PDE1A: variants seen among roughly 807,000 people sequenced by gnomAD.
The protein encoded by PDE1A is phosphodiesterase 1A, also known as dual specificity calcium/calmodulin-dependent 3',5'-cyclic nucleotide phosphodiesterase 1A.
Under a neutral mutation model 61.7 loss-of-function variants are expected in PDE1A, and 35 were observed. The ratio of observed to expected loss-of-function variants is 0.57; its 90% CI spans 0.43 to 0.75. The LOEUF (loss-of-function observed/expected upper bound fraction) is 0.75, where lower values mean the gene tolerates loss of function less well. Ranked by LOEUF, PDE1A falls within the 30% of genes least tolerant of loss-of-function variation. The probability of loss-of-function intolerance (pLI) is 0.00; values close to 1 mark genes in which losing one functional copy is unlikely to be tolerated. For missense variants in PDE1A, 597 were observed against 630.6 expected (o/e 0.95, Z 0.57); for synonymous variants, 232 against 213.2 (o/e 1.09, Z -0.77).
chr2:182,419,434 C>T (rs1703133898), intron 1 of PDE1A, among the ~76,000 whole-genome samples: 1 of 150,962 alleles, frequency 6.6e-6, no homozygotes, highest in African/African-American at 2.4e-5. Flanking sequence ...CTCCTGGATT[C>T]AAGCAATTCT....
rs961587654 is a variant in PDE1A, at chr2:182,385,651, G to GAAAGA, written c.53+40922_53+40926dup. 1.3e-4 allele frequency among the ~76,000 whole-genome samples: 18 copies of GAAAGA among 134,028 alleles called. 2 individuals carry two copies. The highest frequency in any genetic ancestry group is 4.9e-4 in the African/African-American group (18 of 36,994). 87.9% of individuals were successfully genotyped at this position (134,028 alleles called of 152,430 possible). A position where few individuals can be genotyped will look rare whatever the true frequency, so the allele number is the denominator to read the frequency against. On this transcript the variant is annotated intron_variant, in intron 1 of 13. Transcript: ENST00000351439. The stretch of plus-strand genomic sequence containing the variant: ...AAAGAAAGAAAGAAGAAGAAAGAAA[G>GAAAGA]AAAGAAAGAAGAAAAAAAGAAAGAA...
chr2:182,557,179 G>A, the PDE1A span, among the ~76,000 whole-genome samples: 1 of 152,150 alleles, frequency 6.6e-6, no homozygotes, highest in African/African-American at 2.4e-5. Context: ...CCAAGTGGTG[G>A]AGGTTGCAGT....
chr2:182,619,664 A>G, the PDE1A span, among the ~76,000 whole-genome samples: 3 of 152,260 alleles, frequency 2.0e-5, no homozygotes, highest in South Asian at 4.1e-4. Flanking sequence ...TTTTTCTTTT[A>G]TCAAAATTTC....
At chr2:182,594,278 C>T in the PDE1A span, among the ~76,000 whole-genome samples, 1 of 152,286 alleles carries the variant, frequency 6.6e-6, no homozygotes, top group South Asian at 2.1e-4. Context: ...ATACCATAAG[C>T]TTACAACTCT....
rs60586885 is a variant in PDE1A, at chr2:182,210,900, C to CA, written c.777-4836dup. ...GAATACCTGAGGCTGGGTAATTTAT[C>CA]AAAAAAAAAAAAGAAATTTATTTAT... On this transcript the variant is annotated intron_variant, in intron 7 of 13. Transcript: ENST00000351439. 3.0e-3 allele frequency among the ~76,000 whole-genome samples: 440 copies of CA among 147,090 alleles called. 3 individuals carry two copies. Among genetic ancestry groups the CA allele is most frequent in the African/African-American group, 0.01 (408 of 40,048 alleles).
At chr2:182,455,278 G>A (rs547139566) in intron 2 of PDE1A, among the ~76,000 whole-genome samples, 1 of 152,180 alleles carries the variant, frequency 6.6e-6, no homozygotes, top group Non-Finnish European at 1.5e-5. Flanking sequence ...AGTGGATGTG[G>A]AGAAATAGGA....
chr2:182,473,764 G>A (rs774986616), intron 2 of PDE1A, among the ~76,000 whole-genome samples: 4 of 151,816 alleles, frequency 2.6e-5, no homozygotes, highest in Non-Finnish European at 5.9e-5. Flanking sequence ...TCCTGCATTA[G>A]TTTGCTAAGA....
the PDE1A span, among the ~76,000 whole-genome samples, chr2:182,626,717 TTA>T: frequency 0.01 from 293 of 29,104 alleles, 29 homozygotes; most frequent in South Asian, 0.046. Context: ...ACAAATGGCT[TTA>T]TATATATATA....
chr2:182,580,014 T>C, the PDE1A span, among the ~76,000 whole-genome samples: 3 of 152,218 alleles, frequency 2.0e-5, no homozygotes, highest in Non-Finnish European at 4.4e-5. Context: ...TCCATTTCAT[T>C]CAGGCTAACA....
rs534973394 is a variant in PDE1A, at chr2:182,493,048, C to T, written c.101+29228G>A. ...ACACTTCTTTTATTGCATAAAACATCTACTCTGTGCTTACATCATCCTAAT... is the reference window on the plus strand; with the variant it reads ...ACACTTCTTTTATTGCATAAAACATTTACTCTGTGCTTACATCATCCTAAT... On this transcript the variant is annotated intron_variant, in intron 2 of 14. Transcript: ENST00000410103. Among the ~76,000 whole-genome samples, 3 of 151,704 alleles carry T rather than the reference C, an allele frequency of 2.0e-5. No individual in the cohort carries two copies. The East Asian group carries it at 5.8e-4, about 29-fold the overall frequency.
chr2:182,464,050 T>C (rs1451472122), intron 2 of PDE1A, among the ~76,000 whole-genome samples: 2 of 152,164 alleles, frequency 1.3e-5, no homozygotes, highest in African/African-American at 4.8e-5. Flanking sequence ...GCCACAGTGA[T>C]GGCTATGCTA....
chr2:182,421,147 T>C (rs1703255710), intron 1 of PDE1A, among the ~76,000 whole-genome samples: 1 of 152,180 alleles, frequency 6.6e-6, no homozygotes, highest in African/African-American at 2.4e-5. Flanking sequence ...ACTATAAATG[T>C]AAAATTTTCC....
chr2:182,531,936 G>A, the PDE1A span, among the ~76,000 whole-genome samples: 1 of 152,118 alleles, frequency 6.6e-6, no homozygotes, highest in African/African-American at 2.4e-5. Context: ...ACCTATGAGT[G>A]AGAACATGTT....
At chr2:182,454,849 T>G (rs1369897798) in intron 2 of PDE1A, among the ~76,000 whole-genome samples, 1 of 150,274 alleles carries the variant, frequency 6.7e-6, no homozygotes, top group East Asian at 2.0e-4. Flanking sequence ...ATTGAGGACA[T>G]AGGCATGGGC....
intron 2 of PDE1A, among the ~76,000 whole-genome samples, chr2:182,446,355 T>G (rs938567488): frequency 6.6e-6 from 1 of 152,076 alleles, no homozygotes; most frequent in Non-Finnish European, 1.5e-5. Flanking sequence ...TAAACTTATC[T>G]TAGCCATTGA....
intron 1 of PDE1A, among the ~76,000 whole-genome samples, chr2:182,401,368 T>A (rs1159556202): frequency 2.6e-5 from 4 of 152,166 alleles, no homozygotes; most frequent in African/African-American, 9.7e-5. Context: ...TGGGTCAACA[T>A]ATGCAAATCA....
At chr2:182,193,483 T>A (rs1685884349) in intron 10 of PDE1A, among the ~76,000 whole-genome samples, 1 of 151,998 alleles carries the variant, frequency 6.6e-6, no homozygotes, top group South Asian at 2.1e-4. Context: ...ATTCTAAGGC[T>A]GAGGGTGAAA....
intron 1 of PDE1A, among the ~76,000 whole-genome samples, chr2:182,391,037 T>C (rs2125388064): frequency 6.6e-6 from 1 of 152,308 alleles, no homozygotes; most frequent in South Asian, 2.1e-4. Context: ...GTTCAGAGTG[T>C]GTCTCACAGG....
the PDE1A span, among the ~76,000 whole-genome samples, chr2:182,602,992 C>CACACACACATACATACAT: frequency 1.8e-4 from 23 of 130,492 alleles, no homozygotes; most frequent in South Asian, 9.7e-4. Flanking sequence ...CACACACACA[C>CACACACACATACATACAT]ACATACATAC....
Sources: gnomAD v4.1 joint callset for allele counts (sites outside exome capture counted in the v4.1 genomes callset) on GRCh38, gnomAD v4.1.1 for gene constraint, MANE v1.5 for transcripts, NCBI Gene and HGNC (gene_info 2026-07-23, HGNC 2026-07-21) for gene names.